ANKS3: variants seen among roughly 807,000 people sequenced by gnomAD.
ANKS3 encodes ankyrin repeat and SAM domain-containing protein 3.
In ANKS3, 62 loss-of-function variants were observed where a neutral mutation model predicts 80.7. That is an observed-to-expected ratio of 0.77 (90% CI 0.63 to 0.95). The LOEUF (loss-of-function observed/expected upper bound fraction) is 0.95. ANKS3 is among the 40% of genes least tolerant of loss of function. The probability of loss-of-function intolerance (pLI) is 0.00; values close to 1 mark genes in which losing one functional copy is unlikely to be tolerated. For synonymous variants in ANKS3, 489 were observed against 355.3 expected (o/e 1.38, Z -4.23); for missense variants, 1,150 against 883.6 (o/e 1.30, Z -3.82).
At chr16:4,707,116 G>A (rs1008390385) in intron 7 of ANKS3, among the ~76,000 whole-genome samples, 11 of 152,158 alleles carry the variant, frequency 7.2e-5, no homozygotes, top group Non-Finnish European at 1.5e-4. Context: ...CAAAGAGGCA[G>A]CAATAAGCAA....
chr16:4,698,507 G>T lies in ANKS3; in HGVS notation c.1644C>A (p.Arg548=). Residue 548 remains arginine, a synonymous_variant, in exon 14 of 18, where the codon CGC becomes CGA. Transcript: ENST00000304283. The part of the protein sequence containing the change: ...VVESCLLEQD[R]AREDLQARLR... ...GCCGGGCCTGGAGGTCCTCGCGGGC[G>T]CGGTCCTGCTCCAGCAGGCAGCTCT... 6.4e-7 allele frequency: 1 copy of T among 1,561,600 alleles called. No individual in the cohort carries two copies. Among genetic ancestry groups the T allele is most frequent in the Non-Finnish European group, 8.6e-7 (1 of 1,161,634 alleles).
At chr16:4,723,217 C>T (rs2081191185) in intron 6 of ANKS3, among the ~76,000 whole-genome samples, 1 of 152,186 alleles carries the variant, frequency 6.6e-6, no homozygotes, top group Admixed American at 6.5e-5. Flanking sequence ...AATTCAACGG[C>T]TTCTCGTATA....
At chr16:4,698,994 T>A in intron 12 of ANKS3, 53 bp from the exon 13 acceptor site, 22 of 1,613,920 alleles carry the variant, frequency 1.4e-5, no homozygotes, top group Non-Finnish European at 1.8e-5. Context: ...AGCGCTTACA[T>A]GAGTGGGAGT....
rs899045936 is a variant in ANKS3 at position 4,697,027 on chromosome 16, G to A, written c.*1C>T. 2 of 1,612,036 alleles carry A rather than the reference G, an allele frequency of 1.2e-6. No individual in the cohort carries two copies. The highest frequency in any genetic ancestry group is 8.5e-7 in the Non-Finnish European group (1 of 1,179,442). ...CTGGCAGACACTCACCGGCCCGCAGGCTAGGTCTCCCGCCACTTCTTCCCG... is the reference window on the plus strand; with the variant it reads ...CTGGCAGACACTCACCGGCCCGCAGACTAGGTCTCCCGCCACTTCTTCCCG... On this transcript the variant is annotated 3_prime_UTR_variant, in exon 17 of 18. Transcript: ENST00000304283.
intron 11 of ANKS3, chr16:4,699,855 T>C (rs1257526793): frequency 9.3e-6 from 1 of 107,584 alleles, no homozygotes; most frequent in African/African-American, 3.2e-5. Context: ...GATATTTTCA[T>C]TTCATTTACT....
chr16:4,698,006 G>C lies in ANKS3; in HGVS notation c.1781C>G (p.Ala594Gly). ...RVRQDQPPGA[A>G]TLGLAVPPAD... ...TGGGGGGACGGCTAGGCCCAGAGTG[G>C]CTGCACCAGGGGGCTGGTCCTGCCT... is the stretch of plus-strand genomic sequence containing the variant. The change falls in exon 15 of 18, where the codon GCC (alanine) becomes GGC (glycine). Residue 594 changes from alanine to glycine, a missense_variant. Ala to Gly is a moderately conservative substitution (Grantham distance 60). Transcript: ENST00000304283. The C allele has an allele frequency of 6.2e-7, 1 of 1,605,666 alleles. No individual in the cohort carries two copies. The highest frequency in any genetic ancestry group is 8.5e-7 in the Non-Finnish European group (1 of 1,176,854).
intron 7 of ANKS3, among the ~76,000 whole-genome samples, chr16:4,712,331 G>C (rs1005725761): frequency 6.6e-6 from 1 of 151,948 alleles, no homozygotes; most frequent in African/African-American, 2.4e-5. Context: ...AGTGAGCTGA[G>C]ATCTCGCCAC....
Position 4,720,926 on chromosome 16 carries a change from G to T in ANKS3, c.573+3824C>A, listed in dbSNP as rs369863912. 2.7e-5 allele frequency among the ~76,000 whole-genome samples: 4 copies of T among 148,260 alleles called. No individual in the cohort carries two copies. In the East Asian group the frequency reaches 5.9e-4, roughly 22 times the overall value. On this transcript the variant is annotated intron_variant, in intron 6 of 17. Transcript: ENST00000304283. The stretch of plus-strand genomic sequence containing the variant: ...CACTCCAGCCAGGGCTACAGAGCGA[G>T]ACTCCATCTCAAAACAAACAAACAA...
intron 7 of ANKS3, among the ~76,000 whole-genome samples, chr16:4,707,956 CA>C (rs200188014): frequency 2.1e-4 from 32 of 150,264 alleles, no homozygotes; most frequent in Non-Finnish European, 4.0e-4. Context: ...ACTAAAAATA[CA>C]AAAAAAAATG....
chr16:4,721,546 G>C (rs962879375), intron 6 of ANKS3, among the ~76,000 whole-genome samples: 25 of 151,434 alleles, frequency 1.7e-4, no homozygotes, highest in African/African-American at 5.8e-4. Context: ...AGGAGGTCAA[G>C]GCTGCAGTGA....
Position 4,697,312 on chromosome 16 carries a change from G to T in ANKS3, c.1894+21C>A, listed in dbSNP as rs531946547. The T allele has an allele frequency of 1.8e-5, 28 of 1,586,526 alleles. No individual in the cohort carries two copies. In the East Asian group the frequency reaches 6.3e-4, roughly 36 times the overall value. On this transcript the variant is annotated intron_variant, in intron 16 of 17. Transcript: ENST00000304283. ...TCGGAAACAAAAGGAGCGCTCAGTC[G>T]TCTGGTCCCCGGAGACTCACCCATC...
At chr16:4,726,835 G>A in intron 4 of ANKS3, 55 bp from the exon 5 acceptor site, 2 of 1,600,164 alleles carry the variant, frequency 1.2e-6, no homozygotes, top group Non-Finnish European at 1.7e-6. Context: ...CGTGGGGCGG[G>A]CGCCCTCCAG....
chr16:4,717,957 C>T (rs1030384479), intron 6 of ANKS3, among the ~76,000 whole-genome samples: 5 of 152,094 alleles, frequency 3.3e-5, no homozygotes, highest in Admixed American at 6.6e-5. Context: ...CACCACGCCC[C>T]GCTAATGGGG....
chr16:4,725,377 T>C (rs958302202), intron 5 of ANKS3, among the ~76,000 whole-genome samples: 2 of 152,232 alleles, frequency 1.3e-5, no homozygotes, highest in Admixed American at 6.5e-5. Flanking sequence ...TCAGGAACCA[T>C]GCATGGGAAA....
chr16:4,713,269 CA>C (rs564373028), intron 7 of ANKS3, among the ~76,000 whole-genome samples: 5 of 144,908 alleles, frequency 3.5e-5, no homozygotes, highest in African/African-American at 5.1e-5. Context: ...ACTCCCGTAT[CA>C]AAAAAAAAAC....
chr16:4,733,675 C>T (rs2081786377), intron 1 of ANKS3, among the ~76,000 whole-genome samples: 1 of 152,086 alleles, frequency 6.6e-6, no homozygotes, highest in African/African-American at 2.4e-5. Flanking sequence ...ATGGAGACCC[C>T]CATTTTACAT....
In ANKS3 at chr16:4,705,070, C is replaced by A. The variant is rs758703914; in HGVS notation, c.868+25G>T. Reference sequence around the variant, plus strand: ...AATCCTGGTATGCAATGAGAAAGAGCCCTCGGGAAACGCGGGCCACTCACC... The same window carrying A: ...AATCCTGGTATGCAATGAGAAAGAGACCTCGGGAAACGCGGGCCACTCACC... On this transcript the variant is annotated intron_variant, in intron 8 of 17. Coordinates refer to ENST00000304283, the MANE Select transcript of ANKS3 (RefSeq NM_133450.4). 1.8e-4 allele frequency: 297 copies of A among 1,607,668 alleles called. 1 individual carries two copies. Among genetic ancestry groups the A allele is most frequent in the Non-Finnish European group, 2.5e-4 (291 of 1,177,856 alleles).
Position 4,731,599 on chromosome 16 carries a change from A to G in ANKS3, c.-70-20T>C. 1 of 920,540 alleles carries G rather than the reference A, an allele frequency of 1.1e-6. No individual in the cohort carries two copies. Among genetic ancestry groups the G allele is most frequent in the Non-Finnish European group, 1.3e-6 (1 of 770,608 alleles). The allele number at this position is 920,540 out of a possible 1,614,324, so 57.0% of individuals were successfully genotyped here. A position where few individuals can be genotyped will look rare whatever the true frequency, so the allele number is the denominator to read the frequency against. On this transcript the variant is annotated intron_variant, in intron 1 of 17. Coordinates refer to ENST00000304283, the MANE Select transcript of ANKS3 (RefSeq NM_133450.4). ...CCTGGCCTGTAAATTTTAAATATAA[A>G]TTAATTTTTCTGGAATGGTTATGAA...
chr16:4,729,205 G>C (rs1262698851), intron 3 of ANKS3, among the ~76,000 whole-genome samples: 1 of 152,170 alleles, frequency 6.6e-6, no homozygotes, highest in Non-Finnish European at 1.5e-5. Flanking sequence ...ACACAGATTA[G>C]CAAAGGGCAG....
Sources: gnomAD v4.1 joint callset for allele counts (sites outside exome capture counted in the v4.1 genomes callset) on GRCh38, gnomAD v4.1.1 for gene constraint, MANE v1.5 for transcripts, NCBI Gene and HGNC (gene_info 2026-07-23, HGNC 2026-07-21) for gene names.